Variants in SPINK6 observed in about 807,000 individuals in gnomAD.
SPINK6 encodes serine peptidase inhibitor Kazal type 6.
Under a neutral mutation model 11.7 loss-of-function variants are expected in SPINK6, and 13 were observed. The ratio of observed to expected loss-of-function variants is 1.11; its 90% CI spans 0.72 to 1.76. The LOEUF (loss-of-function observed/expected upper bound fraction) is 1.76. SPINK6 is among the 40% of genes most tolerant of loss of function. The pLI is 0.00. For synonymous variants in SPINK6, 21 were observed against 31.9 expected, an observed-to-expected ratio of 0.66 and a Z score of 1.15; for missense variants, 98 against 93.7, an observed-to-expected ratio of 1.05 and a Z score of -0.19.
intron 2 of SPINK6, among the ~76,000 whole-genome samples, chr5:148,212,571 TA>T (rs1294532564): frequency 9.3e-6 from 1 of 107,050 alleles, no homozygotes; most frequent in African/African-American, 3.8e-5. Context: ...TAATATATAT[TA>T]TATATTATAT....
chr5:148,212,666 TTA>T (rs1167965537), intron 2 of SPINK6, among the ~76,000 whole-genome samples: 1 of 102,420 alleles, frequency 9.8e-6, no homozygotes, highest in Non-Finnish European at 1.7e-5. Context: ...ATTTATATAT[TTA>T]TATAATATAT....
At position 148,214,105 on chromosome 5, in the gene SPINK6, A is replaced by G; in HGVS notation, c.197+80A>G. 3 of 822,634 alleles carry G rather than the reference A, an allele frequency of 3.6e-6. No individual in the cohort carries two copies. In the South Asian group the frequency reaches 5.1e-5, roughly 14 times the overall value. 51.0% of individuals were successfully genotyped at this position (822,634 alleles called of 1,614,324 possible). On this transcript the variant is annotated intron_variant, in intron 3 of 3. Transcript: ENST00000325630. ...GACTAAGACACTTTTTCGAGGTATT[A>G]TAGAAAACACCCATACCTCCCCATA...
chr5:148,202,967 G>A (rs971134033), upstream of SPINK6: 2 of 570,322 alleles, frequency 3.5e-6, no homozygotes, highest in East Asian at 2.9e-5. Flanking sequence ...GTGTTGGCAG[G>A]CCCCATTAAA....
rs1159929921 is a variant in SPINK6 at position 148,206,024 on chromosome 5, C to T, written c.59-12C>T. On this transcript the variant is annotated splice_polypyrimidine_tract_variant and intron_variant, in intron 1 of 3. Transcript: ENST00000325630. ...TGAATTACAGTGTTTGAATGTTGTG[C>T]TTTTCTTTCAGGTGTCTTCAGTCAG... 1.9e-6 allele frequency: 3 copies of T among 1,613,794 alleles called. No individual in the cohort carries two copies. The Admixed American group carries it at 5.0e-5, about 27-fold the overall frequency.
chr5:148,207,539 C>T (rs1334964113), intron 2 of SPINK6, among the ~76,000 whole-genome samples: 3 of 152,058 alleles, frequency 2.0e-5, no homozygotes, highest in Non-Finnish European at 2.9e-5. Context: ...CTCCTTAAAA[C>T]CTACTGAAGG....
chr5:148,203,444 CTG>C (rs1234439524), intron 1 of SPINK6, among the ~76,000 whole-genome samples: 3 of 152,152 alleles, frequency 2.0e-5, no homozygotes, highest in Non-Finnish European at 4.4e-5. Context: ...ATATAAGAAA[CTG>C]TGGAACAGAG....
At chr5:148,211,997 CAG>C in intron 2 of SPINK6, among the ~76,000 whole-genome samples, 2 of 152,256 alleles carry the variant, frequency 1.3e-5, no homozygotes, top group East Asian at 3.9e-4. Flanking sequence ...TCATTCCACA[CAG>C]ATATATTTGG....
Position 148,208,636 on chromosome 5 carries a change from A to G in SPINK6, c.81+2578A>G, listed in dbSNP as rs534346647. On this transcript the variant is annotated intron_variant, in intron 2 of 3. Coordinates refer to ENST00000325630, the MANE Select transcript of SPINK6 (RefSeq NM_205841.4). The stretch of plus-strand genomic sequence containing the variant: ...CTTTTGGAAATCATATTCCAGTAAA[A>G]TTTTCCCTGTAAATGTAAATGACTA... 2.0e-5 allele frequency among the ~76,000 whole-genome samples: 3 copies of G among 152,322 alleles called. No homozygotes were observed. The South Asian group carries it at 6.2e-4, about 32-fold the overall frequency.
chr5:148,211,221 T>C (rs1229757686), intron 2 of SPINK6, among the ~76,000 whole-genome samples: 1 of 152,120 alleles, frequency 6.6e-6, no homozygotes, highest in Non-Finnish European at 1.5e-5. Context: ...TCTCTAAAAT[T>C]AAAGGAGGAA....
chr5:148,203,668 C>T (rs1165409173), intron 1 of SPINK6, among the ~76,000 whole-genome samples: 1 of 152,054 alleles, frequency 6.6e-6, no homozygotes, highest in African/African-American at 2.4e-5. Flanking sequence ...TAAATTAAGA[C>T]AATGGGGAAA....
intron 2 of SPINK6, among the ~76,000 whole-genome samples, chr5:148,207,605 C>A (rs1021460788): frequency 9.2e-5 from 14 of 152,004 alleles, no homozygotes. Context: ...CCGAGGTGGG[C>A]AGATCACCTG....
intron 1 of SPINK6, among the ~76,000 whole-genome samples, chr5:148,204,342 T>C (rs1755471547): frequency 1.3e-5 from 2 of 151,888 alleles, no homozygotes; most frequent in African/African-American, 4.8e-5. Context: ...AAAATATATA[T>C]CTGACTATGT....
chr5:148,210,747 G>T (rs1466718464), intron 2 of SPINK6, among the ~76,000 whole-genome samples: 1 of 151,990 alleles, frequency 6.6e-6, no homozygotes, highest in Non-Finnish European at 1.5e-5. Flanking sequence ...CAAAAAGGTT[G>T]GAGTGATCAA....
intron 2 of SPINK6, 88 bp downstream of exon 2, chr5:148,206,146 C>A (rs541626671): frequency 1.4e-6 from 2 of 1,435,320 alleles, no homozygotes; most frequent in African/African-American, 2.8e-5. Context: ...CTATGGTTAA[C>A]AGAGCAAAAA....
intron 2 of SPINK6, among the ~76,000 whole-genome samples, chr5:148,207,080 T>C (rs1755509772): frequency 6.6e-6 from 1 of 151,814 alleles, no homozygotes; most frequent in Non-Finnish European, 1.5e-5. Context: ...GTCTAACACA[T>C]GCACACATGT....
At chr5:148,212,337 A>C (rs931979064) in intron 2 of SPINK6, among the ~76,000 whole-genome samples, 1 of 150,930 alleles carries the variant, frequency 6.6e-6, no homozygotes, top group Admixed American at 6.7e-5. Context: ...CAGACTCTGA[A>C]ACAGGGTAAG....
chr5:148,212,582 TAA>T (rs1428604759), intron 2 of SPINK6, among the ~76,000 whole-genome samples: 26 of 103,116 alleles, frequency 2.5e-4, no homozygotes, highest in African/African-American at 1.1e-3. Context: ...ATATATTATA[TAA>T]ATATATTTTA....
intron 1 of SPINK6, among the ~76,000 whole-genome samples, chr5:148,204,905 C>T (rs748199793): frequency 2.0e-5 from 3 of 151,994 alleles, no homozygotes; most frequent in African/African-American, 7.3e-5. Context: ...AATAAAATAT[C>T]CCTGGCTATA....
rs71580911 is a variant in SPINK6, at chr5:148,210,033, CAA to C, written c.82-3875_82-3874del. Among the ~76,000 whole-genome samples the C allele has an allele frequency of 8.6e-4, 22 of 25,524 alleles. 3 individuals are homozygous for C. The highest frequency in any genetic ancestry group is 1.2e-3 in the African/African-American group (21 of 17,756). 16.7% of individuals were successfully genotyped at this position (25,524 alleles called of 152,430 possible). On this transcript the variant is annotated intron_variant, in intron 2 of 3. Coordinates refer to ENST00000325630, the MANE Select transcript of SPINK6 (RefSeq NM_205841.4). Reference sequence around the variant, plus strand: ...ATGTATGTACGCATGTACGCATGCACAAACGTATGTATGCATATATGTATGTA... The same window carrying C: ...ATGTATGTACGCATGTACGCATGCACACGTATGTATGCATATATGTATGTA...
Sources: gnomAD v4.1 joint callset for allele counts (sites outside exome capture counted in the v4.1 genomes callset) on GRCh38, gnomAD v4.1.1 for gene constraint, MANE v1.5 for transcripts, NCBI Gene and HGNC (gene_info 2026-07-23, HGNC 2026-07-21) for gene names.